PI4KB: variants seen among roughly 807,000 people sequenced by gnomAD.
PI4KB encodes the protein PtdIns 4-kinase beta.
A neutral mutation model predicts 81.4 loss-of-function variants in PI4KB; 23 were observed. The observed-to-expected ratio is 0.28, with a 90% CI of 0.20 to 0.40. The LOEUF is 0.40. Ranked by LOEUF, PI4KB falls within the 10% of genes least tolerant of loss-of-function variation. PI4KB has a pLI of 1.00. For synonymous variants in PI4KB, 381 were observed against 406.8 expected, an observed-to-expected ratio of 0.94 and a Z score of 0.76; for missense variants, 651 against 1,036.6, an observed-to-expected ratio of 0.63 and a Z score of 5.11.
chr1:151,315,504 T>A, intron 2 of PI4KB, 69 bp downstream of exon 2: 1 of 982,340 alleles, frequency 1.0e-6, no homozygotes, highest in Admixed American at 1.7e-5. Flanking sequence ...CCTGTGTGTA[T>A]ATAGGAGGCA....
intron 3 of PI4KB, among the ~76,000 whole-genome samples, chr1:151,308,216 C>T (rs587685576): frequency 1.7e-4 from 26 of 152,364 alleles, no homozygotes; most frequent in African/African-American, 6.3e-4. Flanking sequence ...TTCTCCCCAT[C>T]TGGATCCTTG....
At chr1:151,308,319 G>A (rs982694400) in intron 3 of PI4KB, among the ~76,000 whole-genome samples, 1 of 152,212 alleles carries the variant, frequency 6.6e-6, no homozygotes, top group Non-Finnish European at 1.5e-5. Context: ...GAAGATGCTC[G>A]TCATTCAAAT....
chr1:151,311,514 C>T (rs1326131630), intron 2 of PI4KB, among the ~76,000 whole-genome samples: 1 of 152,232 alleles, frequency 6.6e-6, no homozygotes, highest in Non-Finnish European at 1.5e-5. Flanking sequence ...AAGGCAACAA[C>T]TCTTCCATTT....
chr1:151,294,460 T>C lies in PI4KB; in HGVS notation c.2097A>G (p.Arg699=). 6.2e-7 allele frequency: 1 copy of C among 1,613,652 alleles called. No individual in the cohort carries two copies. Among genetic ancestry groups the C allele is most frequent in the Non-Finnish European group, 8.5e-7 (1 of 1,179,946 alleles). The change falls in exon 10 of 12, where the codon CGA becomes CGG. Residue 699 remains arginine (R), a synonymous_variant. Coordinates refer to ENST00000368873, the MANE Select transcript of PI4KB (RefSeq NM_001369623.2). The stretch of plus-strand genomic sequence containing the variant: ...AGGCTGACGTCTCAAAGCCCAGATT[T>C]CGGGGTGAGCTGGAGAGGATGAAGC... ...DFGFILSSSP[R]NLGFETSAFK... is the part of the protein sequence containing the mutation.
At chr1:151,327,642 G>T (rs1649855526), upstream of PI4KB, 1 of 368,622 alleles carries the variant, frequency 2.7e-6, no homozygotes, top group South Asian at 1.5e-4. Flanking sequence ...GGACCCTACC[G>T]ATTCCATAGT....
intron 11 of PI4KB, chr1:151,293,511 GACCTGGTATAC>G: frequency 1.1e-6 from 1 of 943,760 alleles, no homozygotes; most frequent in Non-Finnish European, 1.4e-6. Context: ...TGGCAGTTCA[GACCTGGTATAC>G]ACCTGGAGCC....
intron 8 of PI4KB, among the ~76,000 whole-genome samples, chr1:151,301,641 C>T (rs1695294158): frequency 6.6e-6 from 1 of 152,216 alleles, no homozygotes; most frequent in African/African-American, 2.4e-5. Context: ...TCGTGATCCA[C>T]CCGCCTCGGC....
rs1423630923 is a variant in PI4KB, at chr1:151,320,190, C to G, written c.-28-3681G>C. On this transcript the variant is annotated intron_variant, in intron 1 of 11. Transcript: ENST00000368873. ...TTGGGACTACAGATGCCCGCCACCA[C>G]GCCCGGCTAATTTTTTGTATTTTTA... 2.0e-5 allele frequency among the ~76,000 whole-genome samples: 3 copies of G among 152,272 alleles called. No individual in the cohort carries two copies. In the South Asian group the frequency reaches 6.2e-4, roughly 32 times the overall value.
chr1:151,294,550 G>T lies in PI4KB; in HGVS notation c.2016-9C>A. 1 of 1,613,794 alleles carries T rather than the reference G, an allele frequency of 6.2e-7. No individual in the cohort carries two copies. Among genetic ancestry groups the T allele is most frequent in the East Asian group, 2.2e-5 (1 of 44,868 alleles). Reference sequence around the variant, plus strand: ...GGATATTCCCATTGTGTCTGAGGAGGGGGAATAGAGGAGAGGAAGAGGCAG... The same window carrying T: ...GGATATTCCCATTGTGTCTGAGGAGTGGGAATAGAGGAGAGGAAGAGGCAG... On this transcript the variant is annotated splice_polypyrimidine_tract_variant and intron_variant, in intron 9 of 11. Coordinates refer to ENST00000368873, the MANE Select transcript of PI4KB (RefSeq NM_001369623.2).
chr1:151,327,077 G>A (rs756549758), intron 1 of PI4KB, among the ~76,000 whole-genome samples, 194 bp downstream of exon 1: 1 of 152,182 alleles, frequency 6.6e-6, no homozygotes, highest in African/African-American at 2.4e-5. Flanking sequence ...TAATAGAAGA[G>A]GAAGCCAAAA....
At chr1:151,294,634 G>A (rs946770377) in intron 9 of PI4KB, 93 bp from the exon 10 acceptor site, 3 of 1,216,816 alleles carry the variant, frequency 2.5e-6, no homozygotes, top group South Asian at 1.3e-5. Flanking sequence ...CATGACACCA[G>A]GGAGGGGGGT....
chr1:151,313,053 CGGAAGGAAGGAA>C (rs113590962), intron 2 of PI4KB, among the ~76,000 whole-genome samples: 114 of 150,248 alleles, frequency 7.6e-4, no homozygotes, highest in South Asian at 4.2e-4. Context: ...GACGGGTGGG[CGGAAGGAAGGAA>C]GGAAGGAAGG....
chr1:151,302,169 G>C (rs746347404), intron 7 of PI4KB, 25 bp downstream of exon 7: 31 of 1,576,718 alleles, frequency 2.0e-5, no homozygotes, highest in Non-Finnish European at 2.6e-5. Context: ...TTTGAGAGGG[G>C]TTCAGAGACC....
At chr1:151,317,223 T>C (rs1321643305) in intron 1 of PI4KB, among the ~76,000 whole-genome samples, 1 of 149,958 alleles carries the variant, frequency 6.7e-6, no homozygotes, top group Non-Finnish European at 1.5e-5. Flanking sequence ...CATTGCAACC[T>C]TGACCTCCTG....
chr1:151,301,437 G>A (rs1571153877), intron 8 of PI4KB, among the ~76,000 whole-genome samples: 3 of 151,214 alleles, frequency 2.0e-5, no homozygotes, highest in Admixed American at 6.6e-5. Context: ...TCGTTCTGTC[G>A]CCCAGGCTGG....
At chr1:151,296,452 G>A (rs587771600) in intron 9 of PI4KB, among the ~76,000 whole-genome samples, 1 of 151,888 alleles carries the variant, frequency 6.6e-6, no homozygotes, top group African/African-American at 2.4e-5. Context: ...GGCCATGGCA[G>A]AACTTAATAG....
chr1:151,293,480 G>T, intron 11 of PI4KB: 3 of 1,155,094 alleles, frequency 2.6e-6, no homozygotes, highest in Non-Finnish European at 3.3e-6. Flanking sequence ...GTAGGGGCAG[G>T]AATGGGGAGG....
intron 1 of PI4KB, among the ~76,000 whole-genome samples, chr1:151,319,430 CT>C (rs1280573707): frequency 6.6e-6 from 1 of 152,148 alleles, no homozygotes; most frequent in Non-Finnish European, 1.5e-5. Flanking sequence ...TCCAGAAATA[CT>C]TATGACAGCC....
Position 151,294,039 on chromosome 1 carries a change from T to C in PI4KB, c.2248A>G (p.Ile750Val), listed in dbSNP as rs2101902550. The change falls in exon 11 of 12, where the codon ATC becomes GTC. Residue 750 changes from isoleucine (I) to valine (V), a missense_variant. Ile to Val is a conservative substitution (Grantham distance 29, BLOSUM62 3). Transcript: ENST00000368873. ...ARKHMDKVVQ[I>V]VEIMQQGSQL... is the part of the protein sequence containing the mutation. ...CCACCTTGCTGCATGATCTCCACGA[T>C]CTGCACCACCTTGTCCATGTGTTTC... The C allele has an allele frequency of 6.2e-7, 1 of 1,614,056 alleles. No individual in the cohort carries two copies. Among genetic ancestry groups the C allele is most frequent in the East Asian group, 2.2e-5 (1 of 44,878 alleles).
Sources: allele counts gnomAD v4.1 joint callset (sites outside exome capture counted in the v4.1 genomes callset), GRCh38; gene constraint gnomAD v4.1.1; transcripts MANE v1.5; gene names NCBI Gene and HGNC (gene_info 2026-07-23, HGNC 2026-07-21).